The following EBPL variants were observed in gnomAD, a reference collection of about 807,000 sequenced individuals.
EBPL encodes EBP like.
Under a neutral mutation model 19.0 loss-of-function variants are expected in EBPL, and 20 were observed. The ratio of observed to expected loss-of-function variants is 1.05; its 90% CI spans 0.74 to 1.53. The LOEUF (loss-of-function observed/expected upper bound fraction) is 1.53. Among genes scored for constraint, EBPL ranks in the 40% most tolerant of loss-of-function variants. The pLI is 0.00. For synonymous variants in EBPL, 107 were observed against 117.0 expected, an observed-to-expected ratio of 0.91 and a Z score of 0.55; for missense variants, 219 against 261.1, an observed-to-expected ratio of 0.84 and a Z score of 1.11.
In EBPL at chr13:49,681,122, C is replaced by A. The variant is rs190540312; in HGVS notation, c.171+10132G>T. 3.9e-3 allele frequency among the ~76,000 whole-genome samples: 592 copies of A among 152,172 alleles called. 3 individuals are homozygous for A. Among genetic ancestry groups the A allele is most frequent in the Non-Finnish European group, 6.7e-3 (456 of 68,010 alleles). The stretch of plus-strand genomic sequence containing the variant: ...TAATACTTATTTAAGTTCTGTATAT[C>A]AAAAAATTTGGTTTAAAAAATACAG... On this transcript the variant is annotated intron_variant, in intron 1 of 3. Transcript: ENST00000242827.
At chr13:49,661,889 C>A (rs1386320906) in intron 3 of EBPL, 4 of 1,550,444 alleles carry the variant, frequency 2.6e-6, no homozygotes, top group Non-Finnish European at 3.5e-6. Flanking sequence ...AGGGATTCAT[C>A]TCAGGATAGC....
At chr13:49,670,296 C>T (rs765573441) in intron 1 of EBPL, among the ~76,000 whole-genome samples, 5 of 152,048 alleles carry the variant, frequency 3.3e-5, no homozygotes, top group Non-Finnish European at 5.9e-5. Flanking sequence ...ATTGAGCAAT[C>T]CTCCCCCCTT....
rs1260387153 is a variant in EBPL at position 49,691,384 on chromosome 13, G to A, written c.41C>T (p.Ser14Leu). ...EWELGAEAGG[S>L]LLLCAALLAA... Reference sequence around the variant, plus strand: ...CAGCAGCGCGGCGCACAGCAGCAGCGAACCGCCAGCCTCGGCCCCCAGCTC... The same window carrying A: ...CAGCAGCGCGGCGCACAGCAGCAGCAAACCGCCAGCCTCGGCCCCCAGCTC... Residue 14 changes from serine to leucine, a missense_variant, in exon 1 of 4, where the codon TCG becomes TTG. This residue lies in a region of EBPL where 170 missense variants were observed against 167.0 expected (regional missense o/e 1.02). Coordinates refer to ENST00000242827, the MANE Select transcript of EBPL (RefSeq NM_032565.5). 7 of 1,366,298 alleles carry A rather than the reference G, an allele frequency of 5.1e-6. No homozygotes were observed. Among genetic ancestry groups the A allele is most frequent in the Non-Finnish European group, 6.6e-6 (7 of 1,056,092 alleles). The allele number at this position is 1,366,298 out of a possible 1,614,324, so 84.6% of individuals were successfully genotyped here.
intron 1 of EBPL, among the ~76,000 whole-genome samples, chr13:49,684,538 G>T (rs182322373): frequency 6.6e-6 from 1 of 152,104 alleles, no homozygotes; most frequent in Non-Finnish European, 1.5e-5. Flanking sequence ...AGCTGAGCAC[G>T]GTGGCACGTG....
intron 1 of EBPL, among the ~76,000 whole-genome samples, chr13:49,684,618 C>T (rs12428286): frequency 0.26 from 39,950 of 152,044 alleles, 5,693 homozygotes; most frequent in Non-Finnish European, 0.32. Flanking sequence ...GAGGCTGTGG[C>T]GAGCTGAGAT....
intron 1 of EBPL, among the ~76,000 whole-genome samples, chr13:49,683,563 A>G (rs1953966099): frequency 6.6e-6 from 1 of 151,900 alleles, no homozygotes; most frequent in East Asian, 1.9e-4. Context: ...AACAAAAACA[A>G]AAACAAAAAA....
intron 2 of EBPL, among the ~76,000 whole-genome samples, chr13:49,665,159 G>A (rs905382955): frequency 2.0e-5 from 3 of 149,312 alleles, no homozygotes; most frequent in Non-Finnish European, 3.0e-5. Flanking sequence ...TACCCAGCCT[G>A]GAGTGCAATG....
intron 1 of EBPL, among the ~76,000 whole-genome samples, chr13:49,683,949 A>T (rs1953970537): frequency 6.6e-6 from 1 of 152,242 alleles, no homozygotes; most frequent in African/African-American, 2.4e-5. Context: ...ATTAACTGAT[A>T]AATGGATAAA....
chr13:49,679,462 G>C (rs1193885484), intron 1 of EBPL, among the ~76,000 whole-genome samples: 1 of 152,198 alleles, frequency 6.6e-6, no homozygotes, highest in Non-Finnish European at 1.5e-5. Context: ...TCCACTAGGT[G>C]TCAGGCGTGA....
chr13:49,679,151 T>TA (rs1419250831), intron 1 of EBPL, among the ~76,000 whole-genome samples: 1 of 152,212 alleles, frequency 6.6e-6, no homozygotes, highest in East Asian at 1.9e-4. Context: ...TGGAGACAGT[T>TA]ATAGTTCCTC....
chr13:49,664,335 G>A (rs756239396), intron 2 of EBPL, among the ~76,000 whole-genome samples: 1 of 152,196 alleles, frequency 6.6e-6, no homozygotes, highest in Non-Finnish European at 1.5e-5. Context: ...AGAGAGCCCA[G>A]ACTGCAGAAT....
chr13:49,669,751 A>T, intron 2 of EBPL, 26 bp downstream of exon 2: 1 of 1,608,996 alleles, frequency 6.2e-7, no homozygotes, highest in Non-Finnish European at 8.5e-7. Flanking sequence ...CCAACATTTC[A>T]AACGCAAACG....
intron 2 of EBPL, chr13:49,668,386 ACATGGTGAAACC>A: frequency 4.2e-6 from 1 of 235,830 alleles, no homozygotes; most frequent in Non-Finnish European, 8.5e-6. Flanking sequence ...ATCCTGGCTA[ACATGGTGAAACC>A]CCGTCTCTAC....
At chr13:49,661,345 G>A (rs1965145434) in intron 3 of EBPL, 137 bp from the exon 4 acceptor site, 1 of 705,242 alleles carries the variant, frequency 1.4e-6, no homozygotes, top group African/African-American at 1.8e-5. Context: ...TCAGATGTTG[G>A]GTGGTGCTAT....
chr13:49,691,419 GC>G lies in EBPL; in HGVS notation c.5del (p.Gly2AlafsTer65). 7.5e-7 allele frequency: 1 copy of G among 1,341,114 alleles called. No individual in the cohort carries two copies. Among genetic ancestry groups the G allele is most frequent in the Admixed American group, 3.1e-5 (1 of 32,552 alleles). 83.1% of individuals were successfully genotyped at this position (1,341,114 alleles called of 1,614,324 possible). A position where few individuals can be genotyped will look rare whatever the true frequency, so the allele number is the denominator to read the frequency against. On this transcript the variant is annotated frameshift_variant, in exon 1 of 4. Coordinates refer to ENST00000242827, the MANE Select transcript of EBPL (RefSeq NM_032565.5). LOFTEE classifies it high-confidence loss of function. ...CCTCGGCCCCCAGCTCCCACTCAGCGCCCATGCTTCAGGCTTCCGACGCCAA... is the reference window on the plus strand; with the variant it reads ...CCTCGGCCCCCAGCTCCCACTCAGCGCCATGCTTCAGGCTTCCGACGCCAA... M[G>X]AEWELGAEAG...
chr13:49,672,307 T>C (rs1392802062), intron 1 of EBPL, among the ~76,000 whole-genome samples: 2 of 152,228 alleles, frequency 1.3e-5, no homozygotes, highest in Non-Finnish European at 2.9e-5. Context: ...GTAAAGATAG[T>C]ATAATACATA....
rs1229942886 is a variant in EBPL, at chr13:49,660,894, A to G, written c.*74T>C. On this transcript the variant is annotated 3_prime_UTR_variant, in exon 4 of 4. Transcript: ENST00000242827. ...CAAAGTGTAGACTGGAATGTATTAC[A>G]TTTTGGCCAAACAAAAAGATTTGAT... 3.0e-6 allele frequency: 4 copies of G among 1,314,588 alleles called. No individual in the cohort carries two copies. The highest frequency in any genetic ancestry group is 4.3e-6 in the Non-Finnish European group (4 of 937,164). The allele number at this position is 1,314,588 out of a possible 1,614,324, so 81.4% of individuals were successfully genotyped here.
At chr13:49,689,708 T>G (rs1954039348) in intron 1 of EBPL, among the ~76,000 whole-genome samples, 1 of 152,240 alleles carries the variant, frequency 6.6e-6, no homozygotes, top group Non-Finnish European at 1.5e-5. Context: ...CCAGCCAATA[T>G]GTTACACAGT....
chr13:49,686,359 G>A, intron 1 of EBPL: 1 of 1,110,218 alleles, frequency 9.0e-7, no homozygotes, highest in Non-Finnish European at 1.1e-6. Flanking sequence ...CTCCTGCAGG[G>A]CTTTCATCTA....
Sources: allele counts gnomAD v4.1 joint callset (sites outside exome capture counted in the v4.1 genomes callset), GRCh38; gene constraint gnomAD v4.1.1; regional missense constraint gnomAD v4.1.1; transcripts MANE v1.5; gene names NCBI Gene and HGNC (gene_info 2026-07-23, HGNC 2026-07-21).